The following ARHGAP10 variants were observed in gnomAD, a reference collection of about 807,000 sequenced individuals.
ARHGAP10 encodes the protein Rho GTPase activating protein 10, also known as rho GTPase-activating protein 10.
In ARHGAP10, 87 loss-of-function variants were observed where a neutral mutation model predicts 108.6. That is an observed-to-expected ratio of 0.80 (90% CI 0.67 to 0.96). The LOEUF is 0.96. Among genes scored for constraint, ARHGAP10 ranks in the 40% least tolerant of loss-of-function variants. The pLI is 0.00. For missense variants in ARHGAP10, 939 were observed against 954.5 expected (o/e 0.98, Z 0.21); for synonymous variants, 347 against 341.1 (o/e 1.02, Z -0.19).
chr4:147,947,672 G>A (rs1169136291), intron 15 of ARHGAP10, among the ~76,000 whole-genome samples: 2 of 151,908 alleles, frequency 1.3e-5, no homozygotes, highest in Non-Finnish European at 2.9e-5. Flanking sequence ...CAAAGTCCTG[G>A]GATTACAGGT....
chr4:147,854,322 C>T (rs1271026228), intron 4 of ARHGAP10, among the ~76,000 whole-genome samples: 2 of 152,126 alleles, frequency 1.3e-5, no homozygotes, highest in African/African-American at 4.8e-5. Context: ...ACATACTGGG[C>T]TTGTGTTCTC....
Position 147,732,376 on chromosome 4 carries a change from C to G in ARHGAP10, c.75C>G (p.His25Gln), listed in dbSNP as rs1272400135. The G allele has an allele frequency of 1.9e-6, 3 of 1,613,364 alleles. No homozygotes were observed. Among genetic ancestry groups the G allele is most frequent in the Admixed American group, 1.7e-5 (1 of 59,980 alleles). Residue 25 changes from histidine to glutamine, a missense_variant, in exon 1 of 23, where the codon CAC (histidine) becomes CAG (glutamine). His to Gln is a conservative substitution (Grantham distance 24). Transcript: ENST00000336498. ...SPWFRERIRA[H>Q]EAELERTNKF... ...GGTTCCGGGAGAGGATCCGCGCTCA[C>G]GAAGCGGAACTCGAGAGGACCAACA...
At chr4:148,061,064 C>A (rs2149688890) in intron 20 of ARHGAP10, among the ~76,000 whole-genome samples, 1 of 151,642 alleles carries the variant, frequency 6.6e-6, no homozygotes, top group African/African-American at 2.4e-5. Context: ...CAAACACACC[C>A]ACCCACCCGC....
intron 18 of ARHGAP10, among the ~76,000 whole-genome samples, chr4:147,973,401 C>T (rs1739482848): frequency 6.7e-6 from 1 of 148,842 alleles, no homozygotes; most frequent in Admixed American, 6.6e-5. Flanking sequence ...TTTTAATTTT[C>T]GTGGGTACAT....
At chr4:147,747,089 C>A (rs1035128089) in intron 1 of ARHGAP10, among the ~76,000 whole-genome samples, 1 of 151,844 alleles carries the variant, frequency 6.6e-6, no homozygotes, top group Non-Finnish European at 1.5e-5. Flanking sequence ...CCAGAAAGGC[C>A]GCTGTTTCAG....
intron 18 of ARHGAP10, 196 bp from the exon 19 acceptor site, chr4:148,023,067 A>C (rs942268896): frequency 3.9e-6 from 2 of 507,474 alleles, no homozygotes; most frequent in East Asian, 6.1e-5. Flanking sequence ...AAATTTAATC[A>C]GAGATTTTAT....
intron 19 of ARHGAP10, among the ~76,000 whole-genome samples, chr4:148,032,225 C>T (rs1196477168): frequency 2.0e-5 from 3 of 151,544 alleles, no homozygotes; most frequent in Non-Finnish European, 2.9e-5. Context: ...TCAGTGCCTG[C>T]GTCTGCAAGC....
intron 13 of ARHGAP10, among the ~76,000 whole-genome samples, chr4:147,926,354 A>G (rs188837771): frequency 2.7e-4 from 41 of 152,248 alleles, no homozygotes; most frequent in African/African-American, 9.6e-4. Flanking sequence ...TTGCAGTGGA[A>G]AGAAGGGATG....
At position 147,750,614 on chromosome 4, in the gene ARHGAP10, T is replaced by G. The variant is rs535929614; in HGVS notation, c.154+18159T>G. On this transcript the variant is annotated intron_variant, in intron 1 of 22. Transcript: ENST00000336498. Reference sequence around the variant, plus strand: ...CATATAAAATATCTTTTTTTTTTTTTGGGGGGGGTTGTAATCTCACTCTGT... The same window carrying G: ...CATATAAAATATCTTTTTTTTTTTTGGGGGGGGGTTGTAATCTCACTCTGT... Among the ~76,000 whole-genome samples, 389 of 150,334 alleles carry G rather than the reference T, an allele frequency of 2.6e-3. 1 individual carries two copies. The highest frequency in any genetic ancestry group is 7.0e-3 in the South Asian group (33 of 4,732).
chr4:147,991,610 A>G (rs1740280792), intron 18 of ARHGAP10, among the ~76,000 whole-genome samples: 1 of 152,252 alleles, frequency 6.6e-6, no homozygotes, highest in African/African-American at 2.4e-5. Flanking sequence ...GGAGGTATTC[A>G]GCATGACAAC....
intron 18 of ARHGAP10, among the ~76,000 whole-genome samples, chr4:148,004,963 A>G (rs1740886600): frequency 6.6e-6 from 1 of 152,358 alleles, no homozygotes; most frequent in African/African-American, 2.4e-5. Context: ...GCACAGCAAT[A>G]GAAAACTAAT....
intron 13 of ARHGAP10, among the ~76,000 whole-genome samples, chr4:147,921,907 A>C (rs1416880301): frequency 1.3e-5 from 2 of 152,068 alleles, no homozygotes; most frequent in Admixed American, 6.5e-5. Context: ...CTGAAAACCA[A>C]CATTACTAAC....
intron 10 of ARHGAP10, among the ~76,000 whole-genome samples, chr4:147,895,071 C>T (rs1449542154): frequency 6.6e-6 from 1 of 152,008 alleles, no homozygotes; most frequent in Non-Finnish European, 1.5e-5. Flanking sequence ...GAATATAGAA[C>T]CTTACAGTTC....
At chr4:147,798,710 C>T (rs1470605163) in intron 1 of ARHGAP10, among the ~76,000 whole-genome samples, 1 of 140,766 alleles carries the variant, frequency 7.1e-6, no homozygotes, top group African/African-American at 2.9e-5. Context: ...TACGTGAGGT[C>T]AGGAGTTTGA....
chr4:148,072,362 T>C lies in ARHGAP10; in HGVS notation c.*281T>C. 1 of 376,804 alleles carries C rather than the reference T, an allele frequency of 2.7e-6. No homozygotes were observed. Among genetic ancestry groups the C allele is most frequent in the Non-Finnish European group, 4.7e-6 (1 of 211,038 alleles). The allele number at this position is 376,804 out of a possible 1,614,324, so 23.3% of individuals were successfully genotyped here. On this transcript the variant is annotated 3_prime_UTR_variant, in exon 23 of 23. Coordinates refer to ENST00000336498, the MANE Select transcript of ARHGAP10 (RefSeq NM_024605.4). ...TTGTGATTTTTAATTATCCAGCATATAGAATGAGAGGGAGGGCAGCCTTCT... is the reference window on the plus strand; with the variant it reads ...TTGTGATTTTTAATTATCCAGCATACAGAATGAGAGGGAGGGCAGCCTTCT...
At chr4:147,994,820 G>A (rs1740409763) in intron 18 of ARHGAP10, among the ~76,000 whole-genome samples, 1 of 152,190 alleles carries the variant, frequency 6.6e-6, no homozygotes, top group African/African-American at 2.4e-5. Context: ...TTATGTTTAG[G>A]TGGAAATGGG....
chr4:148,013,944 A>G (rs550804955), intron 18 of ARHGAP10, among the ~76,000 whole-genome samples: 22 of 152,214 alleles, frequency 1.4e-4, no homozygotes, highest in Admixed American at 7.2e-4. Flanking sequence ...CCAATTTTAC[A>G]TTTACTACTT....
Position 148,047,062 on chromosome 4 carries a change from G to T in ARHGAP10, c.2027+11G>T. 1 of 1,613,764 alleles carries T rather than the reference G, an allele frequency of 6.2e-7. No homozygotes were observed. The highest frequency in any genetic ancestry group is 8.5e-7 in the Non-Finnish European group (1 of 1,179,846). On this transcript the variant is annotated intron_variant, in intron 20 of 22. Transcript: ENST00000336498. ...CTGGGCATCCACTATGTAAGTAACC[G>T]TGCTTCTGTTGGGTGCTGAAGGGTG... is the stretch of plus-strand genomic sequence containing the variant.
chr4:147,732,514 C>G lies in ARHGAP10; in HGVS notation c.154+59C>G, dbSNP rs1418364660. On this transcript the variant is annotated intron_variant, in intron 1 of 22. Transcript: ENST00000336498. ...CGTGGCGAGGCGGCTGGGGGAGCCT[C>G]TCTCGGCAGGAGACGGAGGGTCTTG... 2.0e-5 allele frequency: 32 copies of G among 1,597,938 alleles called. No homozygotes were observed. In the South Asian group the frequency reaches 3.1e-4, roughly 16 times the overall value.
Sources: allele counts gnomAD v4.1 joint callset (sites outside exome capture counted in the v4.1 genomes callset), GRCh38; gene constraint gnomAD v4.1.1; transcripts MANE v1.5; gene names NCBI Gene and HGNC (gene_info 2026-07-23, HGNC 2026-07-21).